ITGAV: variants seen among roughly 807,000 people sequenced by gnomAD.
The protein encoded by ITGAV is integrin subunit alpha V.
A neutral mutation model predicts 143.8 loss-of-function variants in ITGAV; 76 were observed. The observed-to-expected ratio is 0.53, with a 90% CI of 0.44 to 0.64. The LOEUF is 0.64. Ranked by LOEUF, ITGAV falls within the 30% of genes least tolerant of loss-of-function variation. ITGAV has a pLI of 0.00. For synonymous variants in ITGAV, 453 were observed against 446.7 expected (o/e 1.01, Z -0.18); for missense variants, 1,193 against 1,274.7 (o/e 0.94, Z 0.98).
At chr2:186,653,223 A>T (rs998988073) in intron 15 of ITGAV, among the ~76,000 whole-genome samples, 5 of 152,016 alleles carry the variant, frequency 3.3e-5, no homozygotes, top group African/African-American at 1.2e-4. Context: ...CATTATAGAT[A>T]TTTTTTTAAG....
chr2:186,675,299 A>G (rs1689176890), intron 26 of ITGAV, among the ~76,000 whole-genome samples: 1 of 152,206 alleles, frequency 6.6e-6, no homozygotes, highest in African/African-American at 2.4e-5. Context: ...ATTGAGTTCT[A>G]GTCATAGAGT....
At chr2:186,609,973 G>C (rs1317674978) in intron 2 of ITGAV, among the ~76,000 whole-genome samples, 2 of 152,034 alleles carry the variant, frequency 1.3e-5, no homozygotes, top group Non-Finnish European at 2.9e-5. Flanking sequence ...TGCATATAGA[G>C]TATTATATTA....
chr2:186,637,580 C>G (rs1413190732), intron 8 of ITGAV, among the ~76,000 whole-genome samples: 1 of 152,040 alleles, frequency 6.6e-6, no homozygotes, highest in East Asian at 1.9e-4. Flanking sequence ...TGTTAGCACA[C>G]TGGTGAGAGT....
At chr2:186,598,113 C>T (rs1180719725) in intron 1 of ITGAV, among the ~76,000 whole-genome samples, 1 of 151,974 alleles carries the variant, frequency 6.6e-6, no homozygotes, top group Non-Finnish European at 1.5e-5. Context: ...ATGTCCCAAG[C>T]AAGCACTATT....
At chr2:186,667,926 C>T (rs905038302) in intron 24 of ITGAV, 150 bp downstream of exon 24, 1 of 397,294 alleles carries the variant, frequency 2.5e-6, no homozygotes, top group Non-Finnish European at 4.5e-6. Context: ...GAATATTTTC[C>T]CTATACATAA....
intron 1 of ITGAV, among the ~76,000 whole-genome samples, chr2:186,597,647 G>A (rs1443583685): frequency 6.6e-6 from 1 of 152,168 alleles, no homozygotes; most frequent in East Asian, 1.9e-4. Flanking sequence ...TCGGGCCATG[G>A]ACCAGTACCA....
chr2:186,606,866 G>T (rs892129034), intron 2 of ITGAV, among the ~76,000 whole-genome samples: 4 of 152,060 alleles, frequency 2.6e-5, no homozygotes, highest in Non-Finnish European at 4.4e-5. Context: ...CTATTTGCCA[G>T]CTTCAGGGGA....
chr2:186,649,373 C>T (rs1688361798), intron 13 of ITGAV, among the ~76,000 whole-genome samples: 1 of 151,624 alleles, frequency 6.6e-6, no homozygotes, highest in South Asian at 2.1e-4. Flanking sequence ...AATCGTGAAC[C>T]AGTTGAACCT....
At chr2:186,671,921 ATGT>A (rs1237150596) in intron 26 of ITGAV, among the ~76,000 whole-genome samples, 1 of 143,428 alleles carries the variant, frequency 7.0e-6, no homozygotes, top group Non-Finnish European at 1.5e-5. Context: ...TTCAAGATCT[ATGT>A]TGTGGTGTGC....
chr2:186,658,377 A>G (rs990516400), intron 17 of ITGAV, among the ~76,000 whole-genome samples: 1 of 152,190 alleles, frequency 6.6e-6, no homozygotes, highest in African/African-American at 2.4e-5. Context: ...TGAATTAAGA[A>G]TTCTTATACA....
At chr2:186,602,264 T>C in intron 2 of ITGAV, 113 bp downstream of exon 2, 1 of 708,770 alleles carries the variant, frequency 1.4e-6, no homozygotes, top group Middle Eastern at 3.7e-4. Context: ...GCACCTCAGC[T>C]TCACAGGGAA....
intron 12 of ITGAV, among the ~76,000 whole-genome samples, chr2:186,644,603 C>T (rs1029118948): frequency 6.6e-6 from 1 of 152,032 alleles, no homozygotes; most frequent in Non-Finnish European, 1.5e-5. Flanking sequence ...GGAATACAGG[C>T]GTGAGCCACC....
At chr2:186,610,017 C>G (rs1427020480) in intron 2 of ITGAV, among the ~76,000 whole-genome samples, 1 of 152,076 alleles carries the variant, frequency 6.6e-6, no homozygotes, top group Admixed American at 6.5e-5. Context: ...ATAGGGACAT[C>G]TTGGACTCCT....
chr2:186,649,888 G>GGTTTCTGC lies in ITGAV; in HGVS notation c.1397+3_1397+4insGTTTCTGC. Reference sequence around the variant, plus strand: ...GTAGATCGAGCTATCTTATACAGGTGAGCATTTTCTGTATCCTGCGGTATA... The same window carrying GGTTTCTGC: ...GTAGATCGAGCTATCTTATACAGGTGGTTTCTGCAGCATTTTCTGTATCCTGCGGTATA... On this transcript the variant is annotated splice_donor_region_variant and intron_variant, in intron 14 of 29. Coordinates refer to ENST00000261023, the MANE Select transcript of ITGAV (RefSeq NM_002210.5). The GGTTTCTGC allele has an allele frequency of 7.0e-7, 1 of 1,427,122 alleles. No homozygotes were observed. 88.4% of individuals were successfully genotyped at this position (1,427,122 alleles called of 1,614,324 possible). A position where few individuals can be genotyped will look rare whatever the true frequency, so the allele number is the denominator to read the frequency against.
intron 18 of ITGAV, chr2:186,660,584 G>A (rs571296387): frequency 3.3e-5 from 5 of 152,064 alleles, no homozygotes; most frequent in Non-Finnish European, 5.9e-5. Flanking sequence ...TCTCTTTGCT[G>A]TCAAATAGAA....
chr2:186,654,401 GA>G (rs1235780348), intron 15 of ITGAV, among the ~76,000 whole-genome samples: 1 of 151,600 alleles, frequency 6.6e-6, no homozygotes, highest in African/African-American at 2.4e-5. Context: ...CTATAAGCTT[GA>G]GAGAAAGTTA....
intron 2 of ITGAV, among the ~76,000 whole-genome samples, chr2:186,612,384 T>TA (rs1246508976): frequency 6.6e-6 from 1 of 151,160 alleles, no homozygotes; most frequent in Non-Finnish European, 1.5e-5. Context: ...TTTTTTTTTT[T>TA]AAAGGAGAAG....
chr2:186,637,622 T>A (rs1687983568), intron 8 of ITGAV, among the ~76,000 whole-genome samples: 1 of 152,214 alleles, frequency 6.6e-6, no homozygotes, highest in African/African-American at 2.4e-5. Context: ...CTTCCTCTAG[T>A]GGCTGCTGAA....
rs561687682 is a variant in ITGAV at position 186,625,371 on chromosome 2, C to CA, written c.409-96dup. On this transcript the variant is annotated intron_variant, in intron 3 of 29. Coordinates refer to ENST00000261023, the MANE Select transcript of ITGAV (RefSeq NM_002210.5). ...TGGGCAACAGACTGAGACCCCATCT[C>CA]AAAAAAGAGAAAGTGGTATTATATT... 1.7e-4 allele frequency: 117 copies of CA among 705,912 alleles called. 1 individual carries two copies. The African/African-American group carries it at 1.7e-3, about 11-fold the overall frequency. 43.7% of individuals were successfully genotyped at this position (705,912 alleles called of 1,614,324 possible).
Sources: allele counts gnomAD v4.1 joint callset (sites outside exome capture counted in the v4.1 genomes callset), GRCh38; gene constraint gnomAD v4.1.1; transcripts MANE v1.5; gene names NCBI Gene and HGNC (gene_info 2026-07-23, HGNC 2026-07-21).